ADAMTSL1: variants seen among roughly 807,000 people sequenced by gnomAD.
ADAMTSL1 encodes the protein ADAMTS like 1, also known as ADAMTS-like protein 1.
Under a neutral mutation model 201.8 loss-of-function variants are expected in ADAMTSL1, and 126 were observed. The observed-to-expected ratio is 0.62, with a 90% CI of 0.54 to 0.72. ADAMTSL1 has a LOEUF of 0.72. Among genes scored for constraint, ADAMTSL1 ranks in the 30% least tolerant of loss-of-function variants. The pLI, the probability that ADAMTSL1 is intolerant of heterozygous loss-of-function variation, is 0.00. For missense variants in ADAMTSL1, 2,679 were observed against 2,277.8 expected, an observed-to-expected ratio of 1.18 and a Z score of -3.59; for synonymous variants, 1,121 against 903.4, an observed-to-expected ratio of 1.24 and a Z score of -4.32.
chr9:18,189,083 A>G (rs1049946656), intron 2 of ADAMTSL1, among the ~76,000 whole-genome samples: 3 of 152,196 alleles, frequency 2.0e-5, no homozygotes, highest in Non-Finnish European at 4.4e-5. Context: ...GAAAAGCTGT[A>G]TCCTAAGTAA....
At chr9:18,682,219 G>A (rs1830546209) in intron 12 of ADAMTSL1, among the ~76,000 whole-genome samples, 1 of 152,100 alleles carries the variant, frequency 6.6e-6, no homozygotes, top group South Asian at 2.1e-4. Flanking sequence ...GACTATTGCT[G>A]AAGAATACGG....
chr9:18,754,171 G>A (rs1007585867), intron 16 of ADAMTSL1, among the ~76,000 whole-genome samples: 12 of 152,264 alleles, frequency 7.9e-5, no homozygotes, highest in African/African-American at 1.7e-4. Context: ...GCAGAATTGC[G>A]TGGTTGTGAT....
Position 17,940,804 on chromosome 9 carries a change from C to CCT in ADAMTSL1, c.87+33883_87+33884insTC, listed in dbSNP as rs1490572134. Among the ~76,000 whole-genome samples the CCT allele has an allele frequency of 6.1e-5, 3 of 48,884 alleles. 1 individual carries two copies. Among genetic ancestry groups the CCT allele is most frequent in the Non-Finnish European group, 1.2e-4 (3 of 24,724 alleles). 32.1% of individuals were successfully genotyped at this position (48,884 alleles called of 152,430 possible). On this transcript the variant is annotated intron_variant, in intron 1 of 29. Coordinates refer to the ADAMTSL1 transcript ENST00000680146. ...ACTTAAAAATAAAAGTAAATAACACCCCCCCCCCAAAAAAAAGAAAGAAAT... is the reference window on the plus strand; with the variant it reads ...ACTTAAAAATAAAAGTAAATAACACCCTCCCCCCCCAAAAAAAAGAAAGAAAT...
intron 1 of ADAMTSL1, among the ~76,000 whole-genome samples, chr9:18,145,248 A>G (rs370171162): frequency 6.6e-6 from 1 of 152,340 alleles, no homozygotes; most frequent in African/African-American, 2.4e-5. Flanking sequence ...TTCTTAAGCA[A>G]TACCCCATAG....
At chr9:17,964,436 C>G (rs1377151474) in intron 1 of ADAMTSL1, among the ~76,000 whole-genome samples, 1 of 152,024 alleles carries the variant, frequency 6.6e-6, no homozygotes, top group African/African-American at 2.4e-5. Flanking sequence ...TTAGTGGTAG[C>G]CAGGGGTTAG....
intron 2 of ADAMTSL1, among the ~76,000 whole-genome samples, chr9:18,435,848 G>A (rs985649703): frequency 1.3e-5 from 2 of 152,060 alleles, no homozygotes; most frequent in South Asian, 2.1e-4. Flanking sequence ...TCACTATCAC[G>A]AGAACAGCAC....
At chr9:18,066,768 A>C (rs1350384539) in intron 1 of ADAMTSL1, among the ~76,000 whole-genome samples, 4 of 152,240 alleles carry the variant, frequency 2.6e-5, no homozygotes, top group East Asian at 1.9e-4. Flanking sequence ...CTGGATTAAG[A>C]AAATGTGGCA....
intron 13 of ADAMTSL1, among the ~76,000 whole-genome samples, chr9:18,697,237 G>A (rs1277488380): frequency 6.6e-6 from 1 of 152,080 alleles, no homozygotes; most frequent in African/African-American, 2.4e-5. Context: ...GTTAAAACTA[G>A]TTCAAATGAG....
At chr9:18,161,822 G>A (rs963288655) in intron 1 of ADAMTSL1, among the ~76,000 whole-genome samples, 1 of 152,002 alleles carries the variant, frequency 6.6e-6, no homozygotes, top group African/African-American at 2.4e-5. Context: ...AACGTAGCAG[G>A]AGTAATTTAG....
chr9:18,599,551 C>G (rs1306829139), intron 4 of ADAMTSL1, among the ~76,000 whole-genome samples: 1 of 152,124 alleles, frequency 6.6e-6, no homozygotes, highest in Non-Finnish European at 1.5e-5. Context: ...ATGGTTTTGT[C>G]AAGGCTATTT....
chr9:18,847,617 G>T (rs1003860129), intron 23 of ADAMTSL1, among the ~76,000 whole-genome samples: 20 of 151,996 alleles, frequency 1.3e-4, no homozygotes, highest in Non-Finnish European at 2.4e-4. Flanking sequence ...CTTGAGCAAA[G>T]ACATGAATGT....
In ADAMTSL1 at chr9:18,345,777, A is replaced by G. The variant is rs529281534; in HGVS notation, c.208-159052A>G. 4.7e-4 allele frequency among the ~76,000 whole-genome samples: 72 copies of G among 152,252 alleles called. No homozygotes were observed. In the South Asian group the frequency reaches 0.013, roughly 28 times the overall value. On this transcript the variant is annotated intron_variant, in intron 2 of 29. Coordinates refer to the ADAMTSL1 transcript ENST00000680146. ...AGGAGCTGCTTCTGTAGCAGCCACC[A>G]TGGGGTTCCATAGCTCACATGCCAT...
chr9:18,861,304 G>A (rs1197329642), intron 23 of ADAMTSL1, among the ~76,000 whole-genome samples: 4 of 152,218 alleles, frequency 2.6e-5, no homozygotes, highest in Admixed American at 2.6e-4. Context: ...ATTCCCAGCA[G>A]AACAGCATGT....
chr9:18,285,428 A>G (rs2132649578), intron 2 of ADAMTSL1, among the ~76,000 whole-genome samples: 1 of 152,262 alleles, frequency 6.6e-6, no homozygotes, highest in East Asian at 1.9e-4. Context: ...AAACATTAAT[A>G]GAGTAATATT....
At position 18,652,478 on chromosome 9, in the gene ADAMTSL1, C is replaced by T. The variant is rs79264327; in HGVS notation, c.835-5161C>T. Reference sequence around the variant, plus strand: ...GTCCTCTACTTACAATAACCAACAACAAATTTTTTACTTTATTTTGGTGAA... The same window carrying T: ...GTCCTCTACTTACAATAACCAACAATAAATTTTTTACTTTATTTTGGTGAA... On this transcript the variant is annotated intron_variant, in intron 7 of 28. Coordinates refer to ENST00000380548, the MANE Select transcript of ADAMTSL1 (RefSeq NM_001040272.6). Among the ~76,000 whole-genome samples the T allele has an allele frequency of 9.4e-4, 142 of 151,330 alleles. 2 individuals are homozygous for T. In the East Asian group the frequency reaches 0.023, roughly 25 times the overall value.
At chr9:18,605,899 G>A (rs1824980938) in intron 4 of ADAMTSL1, among the ~76,000 whole-genome samples, 2 of 152,218 alleles carry the variant, frequency 1.3e-5, no homozygotes. Context: ...GGTGGTGGAA[G>A]CAGAGGTAGG....
At chr9:18,491,867 T>C (rs886454639) in intron 1 of ADAMTSL1, among the ~76,000 whole-genome samples, 8 of 152,302 alleles carry the variant, frequency 5.3e-5, no homozygotes, top group African/African-American at 1.4e-4. Flanking sequence ...TGACAAATTA[T>C]AGTGGCCCGA....
intron 1 of ADAMTSL1, among the ~76,000 whole-genome samples, chr9:18,079,195 A>T (rs574947290): frequency 3.0e-4 from 46 of 152,212 alleles, no homozygotes; most frequent in African/African-American, 1.1e-3. Flanking sequence ...CTTTTCTCAA[A>T]ATGTATTCTC....
At chr9:18,003,132 A>G (rs1460403265) in intron 1 of ADAMTSL1, among the ~76,000 whole-genome samples, 13 of 151,938 alleles carry the variant, frequency 8.6e-5, no homozygotes, top group Admixed American at 8.5e-4. Context: ...GTGGGTAGAG[A>G]GCCCTAAGCA....
Sources: gnomAD v4.1 joint callset for allele counts (sites outside exome capture counted in the v4.1 genomes callset) on GRCh38, gnomAD v4.1.1 for gene constraint, MANE v1.5 for transcripts, NCBI Gene and HGNC (gene_info 2026-07-23, HGNC 2026-07-21) for gene names.